Variants in STIM1 observed in about 807,000 individuals in gnomAD.
STIM1 encodes the protein stromal interaction molecule 1.
A neutral mutation model predicts 74.7 loss-of-function variants in STIM1; 25 were observed. The ratio of observed to expected loss-of-function variants is 0.33; its 90% CI spans 0.24 to 0.47. The LOEUF (loss-of-function observed/expected upper bound fraction) is 0.47, where lower values mean the gene tolerates loss of function less well. Ranked by LOEUF, STIM1 falls within the 20% of genes least tolerant of loss-of-function variation. STIM1 has a pLI of 1.00. For synonymous variants in STIM1, 328 were observed against 348.8 expected (o/e 0.94, Z 0.66); for missense variants, 728 against 920.8 (o/e 0.79, Z 2.71).
intron 1 of STIM1, among the ~76,000 whole-genome samples, chr11:3,873,222 C>A (rs998424866): frequency 6.6e-5 from 10 of 151,958 alleles, no homozygotes; most frequent in African/African-American, 1.9e-4. Context: ...TCGAGAGCAG[C>A]CTGACCAACA....
At chr11:4,078,027 CTTGA>C (rs1255014804) in intron 7 of STIM1, among the ~76,000 whole-genome samples, 3 of 152,070 alleles carry the variant, frequency 2.0e-5, no homozygotes, top group Admixed American at 6.6e-5. Context: ...TATTTTTCCT[CTTGA>C]TTATTAGTCA....
At chr11:4,078,850 C>T (rs1156874492) in intron 7 of STIM1, among the ~76,000 whole-genome samples, 7 of 151,090 alleles carry the variant, frequency 4.6e-5, no homozygotes, top group Non-Finnish European at 1.0e-4. Context: ...GGATTACAGG[C>T]GTGAGCCACC....
chr11:4,092,031 T>C lies in STIM1; in HGVS notation c.*233T>C. The C allele has an allele frequency of 1.7e-6, 1 of 603,254 alleles. No homozygotes were observed. Among genetic ancestry groups the C allele is most frequent in the Admixed American group, 2.7e-5 (1 of 36,456 alleles). 37.4% of individuals were successfully genotyped at this position (603,254 alleles called of 1,614,324 possible). On this transcript the variant is annotated 3_prime_UTR_variant, in exon 13 of 13. Transcript: ENST00000526596. ...CTCCGTCCCAACCATGGGCTGCTGC[T>C]GTCACTCCCTCTCCACTTCAGTGCA... is the stretch of plus-strand genomic sequence containing the variant.
chr11:3,918,671 A>T (rs138989452), intron 1 of STIM1, among the ~76,000 whole-genome samples: 163 of 152,276 alleles, frequency 1.1e-3, no homozygotes, highest in Non-Finnish European at 2.0e-3. Context: ...TGGCCAGGAG[A>T]ATACTGGCCT....
intron 3 of STIM1, among the ~76,000 whole-genome samples, chr11:4,054,322 G>C (rs1320960281): frequency 2.0e-5 from 3 of 152,190 alleles, no homozygotes; most frequent in Non-Finnish European, 4.4e-5. Flanking sequence ...TAGCATGGTA[G>C]TCAAGACTCT....
chr11:3,955,298 G>A (rs915738278), intron 1 of STIM1, among the ~76,000 whole-genome samples: 2 of 152,166 alleles, frequency 1.3e-5, no homozygotes, highest in Non-Finnish European at 2.9e-5. Context: ...GATTGGGGTG[G>A]TGGTTACACA....
rs533864346 is a variant in STIM1 at position 3,928,975 on chromosome 11, A to G, written c.140-38577A>G. Among the ~76,000 whole-genome samples the G allele has an allele frequency of 1.1e-3, 172 of 152,192 alleles. 1 individual carries two copies. The highest frequency in any genetic ancestry group is 4.0e-3 in the African/African-American group (164 of 41,508). On this transcript the variant is annotated intron_variant, in intron 1 of 12. Coordinates refer to ENST00000526596, the MANE Select transcript of STIM1 (RefSeq NM_001382567.1). ...AGCCTCCGCCTACTGGGTTCAAGCAATTCTCCTGCCTCAGCCTCCCAAAAA... is the reference window on the plus strand; with the variant it reads ...AGCCTCCGCCTACTGGGTTCAAGCAGTTCTCCTGCCTCAGCCTCCCAAAAA...
intron 2 of STIM1, among the ~76,000 whole-genome samples, chr11:3,975,652 G>A (rs2093440650): frequency 6.6e-6 from 1 of 151,526 alleles, no homozygotes; most frequent in African/African-American, 2.4e-5. Flanking sequence ...GAAGGAAGAA[G>A]GAAGAAGAAA....
chr11:3,938,576 A>C (rs189139347), intron 1 of STIM1, among the ~76,000 whole-genome samples: 12 of 152,266 alleles, frequency 7.9e-5, no homozygotes, highest in African/African-American at 2.6e-4. Flanking sequence ...GGCTGGGCAC[A>C]TGGTTCACAC....
intron 1 of STIM1, among the ~76,000 whole-genome samples, chr11:3,895,072 G>A (rs563841544): frequency 6.6e-6 from 1 of 152,262 alleles, no homozygotes; most frequent in East Asian, 1.9e-4. Flanking sequence ...GGAAGGCCAA[G>A]GGCAGGAACC....
chr11:3,920,158 G>A (rs2092700187), intron 1 of STIM1, among the ~76,000 whole-genome samples: 1 of 151,004 alleles, frequency 6.6e-6, no homozygotes, highest in African/African-American at 2.4e-5. Context: ...ATGGGGTCTT[G>A]CCATATTACC....
intron 2 of STIM1, among the ~76,000 whole-genome samples, chr11:4,010,043 G>A (rs1215124692): frequency 6.6e-6 from 1 of 152,086 alleles, no homozygotes; most frequent in African/African-American, 2.4e-5. Flanking sequence ...GAACTCCTGG[G>A]CTCAAGCAAT....
At chr11:4,013,998 C>T (rs957007906) in intron 2 of STIM1, among the ~76,000 whole-genome samples, 2 of 151,966 alleles carry the variant, frequency 1.3e-5, no homozygotes, top group African/African-American at 4.8e-5. Flanking sequence ...TCAGCCACCA[C>T]GCCTGGCTGA....
chr11:4,030,900 A>G (rs1324828152), intron 3 of STIM1, among the ~76,000 whole-genome samples: 1 of 152,204 alleles, frequency 6.6e-6, no homozygotes, highest in African/African-American at 2.4e-5. Context: ...TTAAAAAGAT[A>G]TTTATTGAGT....
At chr11:3,885,443 T>G (rs879323648) in intron 1 of STIM1, among the ~76,000 whole-genome samples, 1 of 152,156 alleles carries the variant, frequency 6.6e-6, no homozygotes, top group Non-Finnish European at 1.5e-5. Context: ...TGCCTTGGCC[T>G]CCCAAAGTTT....
chr11:4,031,876 C>T (rs769412346), intron 3 of STIM1, among the ~76,000 whole-genome samples: 13 of 152,166 alleles, frequency 8.5e-5, no homozygotes, highest in Non-Finnish European at 1.3e-4. Flanking sequence ...GTAATTTTGA[C>T]GAAGTCCAGT....
intron 3 of STIM1, among the ~76,000 whole-genome samples, chr11:4,041,086 A>G (rs2094143542): frequency 6.6e-6 from 1 of 152,186 alleles, no homozygotes; most frequent in Non-Finnish European, 1.5e-5. Flanking sequence ...GCCACTTTGG[A>G]AGGATTTGAT....
At chr11:4,032,764 GT>G (rs1387244762) in intron 3 of STIM1, among the ~76,000 whole-genome samples, 10 of 152,108 alleles carry the variant, frequency 6.6e-5, no homozygotes, top group Non-Finnish European at 1.5e-4. Context: ...GTAGTTCATA[GT>G]TTTTTATGCT....
chr11:4,016,441 C>G (rs971310681), intron 2 of STIM1, among the ~76,000 whole-genome samples: 2 of 152,160 alleles, frequency 1.3e-5, no homozygotes, highest in African/African-American at 4.8e-5. Flanking sequence ...GAGGGTCACC[C>G]GCCTGTATGA....
Sources: gnomAD v4.1 joint callset for allele counts (sites outside exome capture counted in the v4.1 genomes callset) on GRCh38, gnomAD v4.1.1 for gene constraint, MANE v1.5 for transcripts, NCBI Gene and HGNC (gene_info 2026-07-23, HGNC 2026-07-21) for gene names.